The following PPP2R3B variants were observed in gnomAD, a reference collection of about 807,000 sequenced individuals.
PPP2R3B encodes the protein serine/threonine-protein phosphatase 2A regulatory subunit B'' subunit beta.
PPP2R3B carries 68 observed loss-of-function variants against 72.9 expected under a neutral mutation model. That is an observed-to-expected ratio of 0.93 (90% confidence interval 0.77 to 1.14). PPP2R3B has a LOEUF of 1.14. PPP2R3B is among the 50% of genes most tolerant of loss of function. The pLI is 0.00. For synonymous variants in PPP2R3B, 466 were observed against 375.8 expected (o/e 1.24, Z -2.78); for missense variants, 1,018 against 842.0 (o/e 1.21, Z -2.59).
intron 1 of PPP2R3B, among the ~76,000 whole-genome samples, chrX:362,696 C>G (rs1478449740): frequency 6.6e-6 from 1 of 152,102 alleles, no homozygotes; most frequent in Non-Finnish European, 1.5e-5. Flanking sequence ...TGGACCACAG[C>G]TCAGGGCCTT....
Position 386,463 on chromosome X carries a change from G to A in PPP2R3B, c.229C>T (p.Pro77Ser). 3.1e-6 allele frequency: 4 copies of A among 1,287,702 alleles called. No homozygotes were observed. The highest frequency in any genetic ancestry group is 3.9e-6 in the Non-Finnish European group (4 of 1,015,076). The allele number at this position is 1,287,702 out of a possible 1,614,324, so 79.8% of individuals were successfully genotyped here. ...RPSGLEPPGT[P>S]GPGPALPLGA... is the part of the protein sequence containing the mutation. ...AGGGGCAGCGCAGGGCCCGGCCCGGGGGTTCCCGGGGGTTCGAGCCCGCTG... is the reference window on the plus strand; with the variant it reads ...AGGGGCAGCGCAGGGCCCGGCCCGGAGGTTCCCGGGGGTTCGAGCCCGCTG... Residue 77 changes from proline (P) to serine (S), a missense_variant, in exon 1 of 13, where the codon CCC (proline) becomes TCC (serine). Transcript: ENST00000390665.
chrX:357,498 T>G, intron 2 of PPP2R3B, among the ~76,000 whole-genome samples: 1 of 152,310 alleles, frequency 6.6e-6, no homozygotes, highest in South Asian at 2.1e-4. Context: ...GAAAGAGATA[T>G]ACGTTAGTGT....
chrX:359,837 ATTAC>A (rs1341573741), intron 2 of PPP2R3B: 2 of 514,926 alleles, frequency 3.9e-6, no homozygotes, highest in African/African-American at 3.9e-5. Flanking sequence ...TATGGAAACT[ATTAC>A]CTCTGGGGTA....
In PPP2R3B at chrX:347,616, G is replaced by A. The variant is rs1220451012; in HGVS notation, c.588C>T (p.Val196=). ...AGGERTGSVS[V]HKFVAMWRKI... ...TTCTCCACATGGCGACGAACTTGTG[G>A]ACGGACACGGAGCCCGTGCGCTCCC... is the stretch of plus-strand genomic sequence containing the variant. The change falls in exon 3 of 13, where the codon GTC becomes GTT. Residue 196 remains valine (V), a synonymous_variant. Transcript: ENST00000390665. 1 of 1,579,676 alleles carries A rather than the reference G, an allele frequency of 6.3e-7. No individual in the cohort carries two copies. The highest frequency in any genetic ancestry group is 1.8e-5 in the Admixed American group (1 of 55,026).
chrX:348,160 C>T (rs1305984812), intron 2 of PPP2R3B, among the ~76,000 whole-genome samples: 1 of 152,092 alleles, frequency 6.6e-6, no homozygotes, highest in Admixed American at 6.5e-5. Flanking sequence ...AGTTTAAAAT[C>T]GATCGTCTAC....
intron 9 of PPP2R3B, 126 bp downstream of exon 9, chrX:341,181 G>A (rs1037668091): frequency 4.8e-5 from 43 of 896,938 alleles, no homozygotes; most frequent in Admixed American, 3.0e-4. Flanking sequence ...CCCACCGGGC[G>A]TGCACATGTC....
chrX:364,349 A>G (rs1462195476), intron 1 of PPP2R3B, among the ~76,000 whole-genome samples: 2 of 151,796 alleles, frequency 1.3e-5, no homozygotes, highest in African/African-American at 4.8e-5. Context: ...AGGTTTGCAA[A>G]CCAAACTCAC....
At chrX:362,978 T>C (rs5945460) in intron 1 of PPP2R3B, among the ~76,000 whole-genome samples, 24,226 of 151,530 alleles carry the variant, frequency 0.16, 2,151 homozygotes, top group Admixed American at 0.23. Context: ...TGACAGCGCC[T>C]CAACTGTGCC....
In PPP2R3B at chrX:347,308, CCGCGT is replaced by C; in HGVS notation, c.638_642del (p.Asp213GlyfsTer130). On this transcript the variant is annotated frameshift_variant, in exon 4 of 13. Transcript: ENST00000390665. LOFTEE classifies it high-confidence loss of function. ...CTCATGAGCAGATGGACGAACTTGG[CCGCGT>C]CGTCGTGGCAGTTCTGGAGGATTCT... The C allele has an allele frequency of 6.2e-7, 1 of 1,613,754 alleles. No homozygotes were observed. Among genetic ancestry groups the C allele is most frequent in the Non-Finnish European group, 8.5e-7 (1 of 1,179,770 alleles).
At chrX:363,240 CATCTCCCCGAGCCCAT>C (rs1415705252) in intron 1 of PPP2R3B, among the ~76,000 whole-genome samples, 3 of 142,776 alleles carry the variant, frequency 2.1e-5, no homozygotes, top group East Asian at 2.0e-4. Flanking sequence ...TCCCACAGTG[CATCTCCCCGAGCCCAT>C]GATCCCGCAG....
intron 1 of PPP2R3B, among the ~76,000 whole-genome samples, chrX:379,456 G>T: frequency 6.6e-6 from 1 of 152,230 alleles, no homozygotes; most frequent in East Asian, 1.9e-4. Flanking sequence ...GTGTGTGTAT[G>T]CACCTGTGTG....
At chrX:351,844 C>T (rs1041333929) in intron 2 of PPP2R3B, among the ~76,000 whole-genome samples, 8 of 152,174 alleles carry the variant, frequency 5.3e-5, no homozygotes, top group Admixed American at 2.0e-4. Context: ...ACCACAGGTG[C>T]GCGCTATCAT....
At chrX:335,731 C>T (rs2070871657) in intron 12 of PPP2R3B, 1 of 152,272 alleles carries the variant, frequency 6.6e-6, no homozygotes, top group African/African-American at 2.4e-5. Flanking sequence ...GGCCCCTCGC[C>T]TCACTGATCA....
intron 10 of PPP2R3B, among the ~76,000 whole-genome samples, chrX:339,279 G>GGGCAGGGCT (rs1734605221): frequency 6.7e-6 from 1 of 149,884 alleles, no homozygotes; most frequent in African/African-American, 2.5e-5. Context: ...GGCCGGGGGG[G>GGGCAGGGCT]GCAGGGCTGC....
intron 2 of PPP2R3B, among the ~76,000 whole-genome samples, chrX:353,764 G>A (rs1390897311): frequency 1.2e-4 from 18 of 148,776 alleles, no homozygotes; most frequent in African/African-American, 2.0e-4. Context: ...CCCAAAGACC[G>A]GGGGCTCACC....
chrX:358,153 G>T (rs1465212739), intron 2 of PPP2R3B, among the ~76,000 whole-genome samples: 1 of 152,174 alleles, frequency 6.6e-6, no homozygotes, highest in Admixed American at 6.5e-5. Context: ...CCCCTGGGCC[G>T]GGGGCCCGGC....
chrX:339,356 G>A (rs1203188909), intron 10 of PPP2R3B, among the ~76,000 whole-genome samples: 2 of 119,310 alleles, frequency 1.7e-5, no homozygotes, highest in Non-Finnish European at 1.7e-5. Flanking sequence ...CTGAGATGCA[G>A]AAGGAAGCCA....
At chrX:373,212 T>G (rs1432525737) in intron 1 of PPP2R3B, among the ~76,000 whole-genome samples, 1 of 152,162 alleles carries the variant, frequency 6.6e-6, no homozygotes, top group African/African-American at 2.4e-5. Flanking sequence ...TCACCCGCCT[T>G]GGTTGATCAC....
chrX:359,155 G>C (rs752079373), intron 2 of PPP2R3B, among the ~76,000 whole-genome samples: 1 of 152,366 alleles, frequency 6.6e-6, no homozygotes, highest in South Asian at 2.1e-4. Context: ...CCTGTGGGTG[G>C]GGCCGGGCGC....
Sources: gnomAD v4.1 joint callset for allele counts (sites outside exome capture counted in the v4.1 genomes callset) on GRCh38, gnomAD v4.1.1 for gene constraint, MANE v1.5 for transcripts, NCBI Gene and HGNC (gene_info 2026-07-23, HGNC 2026-07-21) for gene names.